The following NFIA variants were observed in gnomAD, a reference collection of about 807,000 sequenced individuals.
The protein encoded by NFIA is nuclear factor 1 A-type.
NFIA carries 8 observed loss-of-function variants against 62.8 expected under a neutral mutation model. The observed-to-expected ratio is 0.13, with a 90% CI of 0.07 to 0.23. NFIA has a LOEUF of 0.23. NFIA is among the 10% of genes least tolerant of loss of function. NFIA has a pLI of 1.00. For missense variants in NFIA, 410 were observed against 642.1 expected (o/e 0.64, Z 3.91); for synonymous variants, 235 against 238.1 (o/e 0.99, Z 0.12).
intron 2 of NFIA, among the ~76,000 whole-genome samples, chr1:61,240,674 T>TTC (rs1334472782): frequency 1.3e-5 from 2 of 152,162 alleles, no homozygotes; most frequent in African/African-American, 4.8e-5. Context: ...ATTTTCTTTT[T>TTC]TCATATGTTA....
At chr1:61,240,272 A>G (rs1294925392) in intron 2 of NFIA, among the ~76,000 whole-genome samples, 1 of 152,116 alleles carries the variant, frequency 6.6e-6, no homozygotes, top group East Asian at 1.9e-4. Flanking sequence ...CTTCTTTTTC[A>G]GTGCCATTGT....
intron 6 of NFIA, among the ~76,000 whole-genome samples, chr1:61,375,511 T>C (rs964896053): frequency 6.6e-6 from 1 of 152,188 alleles, no homozygotes; most frequent in Admixed American, 6.5e-5. Flanking sequence ...TAGGTTTGTA[T>C]TGATAAGATA....
chr1:61,259,935 C>A (rs1236947487), intron 2 of NFIA, among the ~76,000 whole-genome samples: 1 of 152,152 alleles, frequency 6.6e-6, no homozygotes, highest in Non-Finnish European at 1.5e-5. Flanking sequence ...GGTAATTAAA[C>A]TTGCAGTGCC....
intron 2 of NFIA, among the ~76,000 whole-genome samples, chr1:61,269,490 AAG>A (rs1657382851): frequency 6.6e-6 from 1 of 152,206 alleles, no homozygotes; most frequent in African/African-American, 2.4e-5. Flanking sequence ...GAAGGTGACA[AAG>A]AGTTAGAGCT....
intron 9 of NFIA, among the ~76,000 whole-genome samples, chr1:61,411,921 A>G (rs1032901252): frequency 6.6e-6 from 1 of 151,848 alleles, no homozygotes; most frequent in African/African-American, 2.4e-5. Flanking sequence ...GGGTGAGGTC[A>G]GAGTGGAGTG....
At chr1:61,324,275 C>T (rs1020815055) in intron 3 of NFIA, among the ~76,000 whole-genome samples, 1 of 152,176 alleles carries the variant, frequency 6.6e-6, no homozygotes, top group Non-Finnish European at 1.5e-5. Context: ...ATATAAACAG[C>T]GTGAGAAGGA....
At chr1:61,423,948 A>G (rs548265925) in intron 9 of NFIA, among the ~76,000 whole-genome samples, 1 of 152,146 alleles carries the variant, frequency 6.6e-6, no homozygotes, top group African/African-American at 2.4e-5. Flanking sequence ...TCACTTGAGT[A>G]CTCAAAGACT....
intron 2 of NFIA, among the ~76,000 whole-genome samples, chr1:61,272,251 C>T (rs181192297): frequency 6.6e-6 from 1 of 152,062 alleles, no homozygotes; most frequent in African/African-American, 2.4e-5. Flanking sequence ...ATGTGTACAC[C>T]TGTACGCTGA....
chr1:61,378,039 A>G (rs548837411), intron 6 of NFIA, among the ~76,000 whole-genome samples: 1 of 152,320 alleles, frequency 6.6e-6, no homozygotes, highest in Middle Eastern at 3.4e-3. Flanking sequence ...ACAGCTTTGT[A>G]CTTCCTAATG....
chr1:61,429,291 G>A (rs1187936700), intron 10 of NFIA, among the ~76,000 whole-genome samples: 1 of 152,198 alleles, frequency 6.6e-6, no homozygotes, highest in African/African-American at 2.4e-5. Flanking sequence ...ATAGGATAGA[G>A]CTCTACTTTA....
intron 2 of NFIA, among the ~76,000 whole-genome samples, chr1:61,127,088 A>G (rs1646988227): frequency 6.8e-6 from 1 of 146,932 alleles, no homozygotes; most frequent in Non-Finnish European, 1.5e-5. Context: ...TGAACCCAGG[A>G]GGTGGAGGTT....
At chr1:61,204,141 C>T (rs1401835294) in intron 2 of NFIA, among the ~76,000 whole-genome samples, 1 of 152,184 alleles carries the variant, frequency 6.6e-6, no homozygotes, top group Non-Finnish European at 1.5e-5. Flanking sequence ...ATCCACATTG[C>T]TCTCATTAAA....
intron 2 of NFIA, among the ~76,000 whole-genome samples, chr1:61,155,791 CATTA>C (rs937326623): frequency 1.1e-4 from 16 of 151,806 alleles, no homozygotes; most frequent in African/African-American, 3.4e-4. Flanking sequence ...CTCATATTGG[CATTA>C]ATTATTATTG....
intron 6 of NFIA, among the ~76,000 whole-genome samples, chr1:61,382,706 T>A (rs1664480483): frequency 6.6e-6 from 1 of 152,248 alleles, no homozygotes; most frequent in African/African-American, 2.4e-5. Context: ...TTTAAGATTT[T>A]TTTACTTTTC....
intron 2 of NFIA, among the ~76,000 whole-genome samples, chr1:61,089,019 T>G (rs1331686002): frequency 6.6e-6 from 1 of 152,202 alleles, no homozygotes; most frequent in Non-Finnish European, 1.5e-5. Context: ...TGACAAATGA[T>G]CTAGTTTAAA....
intron 2 of NFIA, among the ~76,000 whole-genome samples, chr1:61,094,377 G>C (rs951421634): frequency 1.3e-5 from 2 of 152,150 alleles, no homozygotes; most frequent in African/African-American, 4.8e-5. Context: ...AAGCAGTCTT[G>C]GGCAGTGAGC....
intron 10 of NFIA, among the ~76,000 whole-genome samples, chr1:61,445,474 A>T (rs1343827479): frequency 6.9e-6 from 1 of 145,184 alleles, no homozygotes; most frequent in Non-Finnish European, 1.5e-5. Context: ...TTTCAGCATT[A>T]AAAAAAAAAT....
chr1:61,208,974 T>C (rs1296511367), intron 2 of NFIA, among the ~76,000 whole-genome samples: 1 of 152,156 alleles, frequency 6.6e-6, no homozygotes, highest in African/African-American at 2.4e-5. Flanking sequence ...ACAGCCCCTT[T>C]AATTAGGGGA....
chr1:61,385,128 C>T (rs894633425), intron 7 of NFIA, among the ~76,000 whole-genome samples: 5 of 151,934 alleles, frequency 3.3e-5, no homozygotes, highest in African/African-American at 1.2e-4. Flanking sequence ...TCCCAGCTAC[C>T]TGTGAGGCTG....
Sources: allele counts gnomAD v4.1 joint callset (sites outside exome capture counted in the v4.1 genomes callset), GRCh38; gene constraint gnomAD v4.1.1; transcripts MANE v1.5; gene names NCBI Gene and HGNC (gene_info 2026-07-23, HGNC 2026-07-21).